SCN9A: variants seen among roughly 807,000 people sequenced by gnomAD.
SCN9A encodes sodium channel protein type 9 subunit alpha.
SCN9A carries 131 observed loss-of-function variants against 187.0 expected under a neutral mutation model. The observed-to-expected ratio is 0.70, with a 90% confidence interval of 0.61 to 0.81. SCN9A has a LOEUF of 0.81. SCN9A is among the 30% of genes least tolerant of loss of function. The probability of loss-of-function intolerance (pLI) is 0.00; values close to 1 mark genes in which losing one functional copy is unlikely to be tolerated. For missense variants in SCN9A, 2,252 were observed against 2,396.6 expected (o/e 0.94, Z 1.26); for synonymous variants, 809 against 808.6 (o/e 1.00, Z -0.01).
At chr2:166,324,198 C>A (rs754476252) in intron 1 of SCN9A, among the ~76,000 whole-genome samples, 2 of 151,756 alleles carry the variant, frequency 1.3e-5, no homozygotes, top group Non-Finnish European at 2.9e-5. Flanking sequence ...GAGGCTGAGG[C>A]AGGAGAATTA....
rs563313026 is a variant in SCN9A at position 166,366,960 on chromosome 2, C to T, written c.-51+8737G>A. 4.6e-5 allele frequency among the ~76,000 whole-genome samples: 7 copies of T among 152,292 alleles called. No individual in the cohort carries two copies. The East Asian group carries it at 1.2e-3, about 25-fold the overall frequency. On this transcript the variant is annotated intron_variant, in intron 1 of 26. Coordinates refer to ENST00000642356, the MANE Select transcript of SCN9A (RefSeq NM_001365536.1). Reference sequence around the variant, plus strand: ...CCTTAAAAGTCAACTTCTTGCATTACTGATGTTAGACAATTTAACTGACTT... The same window carrying T: ...CCTTAAAAGTCAACTTCTTGCATTATTGATGTTAGACAATTTAACTGACTT...
intron 24 of SCN9A, among the ~76,000 whole-genome samples, chr2:166,214,554 G>A (rs181206422): frequency 0.084 from 8,165 of 96,982 alleles, 463 homozygotes; most frequent in African/African-American, 0.11. Flanking sequence ...TCGCTCTGTC[G>A]CCCAGGCTGG....
intron 17 of SCN9A, chr2:166,259,239 G>T (rs1470006651): frequency 2.6e-5 from 4 of 151,612 alleles, no homozygotes; most frequent in African/African-American, 4.8e-5. Context: ...TCTCTGCCTG[G>T]TTAAAAGCAC....
At chr2:166,268,603 C>G (rs1208762971) in intron 17 of SCN9A, among the ~76,000 whole-genome samples, 1 of 151,626 alleles carries the variant, frequency 6.6e-6, no homozygotes, top group African/African-American at 2.4e-5. Flanking sequence ...AATGGGAAAA[C>G]AAAACAAAAC....
intron 6 of SCN9A, among the ~76,000 whole-genome samples, 183 bp from the exon 7 acceptor site, chr2:166,303,485 G>C (rs1698648469): frequency 6.6e-6 from 1 of 151,972 alleles, no homozygotes; most frequent in Admixed American, 6.6e-5. Flanking sequence ...TACAGCAAAT[G>C]GTTAAAAATA....
Position 166,294,675 on chromosome 2 carries a change from A to T in SCN9A, c.902-13T>A. The T allele has an allele frequency of 6.3e-7, 1 of 1,580,046 alleles. No homozygotes were observed. The highest frequency in any genetic ancestry group is 8.7e-7 in the Non-Finnish European group (1 of 1,154,552). ...TAATAAAAATATTCTGTTGAAGAAG[A>T]ATTTGAACAGTTATAACATCACAGA... On this transcript the variant is annotated splice_polypyrimidine_tract_variant and intron_variant, in intron 7 of 26. Coordinates refer to ENST00000642356, the MANE Select transcript of SCN9A (RefSeq NM_001365536.1).
intron 24 of SCN9A, among the ~76,000 whole-genome samples, chr2:166,222,942 C>CAAAAAA (rs1558960810): frequency 5.4e-5 from 3 of 55,294 alleles, no homozygotes; most frequent in African/African-American, 1.6e-4. Flanking sequence ...AAAAAAAAAA[C>CAAAAAA]AACAAAAAAA....
chr2:166,275,929 T>G (rs551842340), intron 16 of SCN9A, among the ~76,000 whole-genome samples: 16 of 152,174 alleles, frequency 1.1e-4, no homozygotes, highest in Non-Finnish European at 2.2e-4. Context: ...GACAACAATA[T>G]TTTAGTAATT....
chr2:166,362,746 A>G (rs1237956780), intron 1 of SCN9A, among the ~76,000 whole-genome samples: 3 of 151,874 alleles, frequency 2.0e-5, no homozygotes, highest in Non-Finnish European at 4.4e-5. Flanking sequence ...TTTTAAATTT[A>G]TTAGGAATAT....
At position 166,228,982 on chromosome 2, in the gene SCN9A, A is replaced by G. The variant is rs200362672; in HGVS notation, c.3925-10T>C. ...GTGCATTCACAACGACCTAGTATTC[A>G]AAAGAAAGAAAAGCATGATTAGGAT... On this transcript the variant is annotated splice_polypyrimidine_tract_variant and intron_variant, in intron 21 of 26. Coordinates refer to ENST00000642356, the MANE Select transcript of SCN9A (RefSeq NM_001365536.1). 4.4e-6 allele frequency: 7 copies of G among 1,599,892 alleles called. No individual in the cohort carries two copies. The highest frequency in any genetic ancestry group is 1.7e-5 in the Admixed American group (1 of 59,526).
intron 9 of SCN9A, among the ~76,000 whole-genome samples, chr2:166,290,609 C>T (rs1282469216): frequency 6.6e-6 from 1 of 152,146 alleles, no homozygotes; most frequent in East Asian, 1.9e-4. Context: ...AATCACCATT[C>T]TGACTGACTT....
chr2:166,330,209 C>A (rs1372973327), intron 1 of SCN9A, among the ~76,000 whole-genome samples: 1 of 151,952 alleles, frequency 6.6e-6, no homozygotes, highest in African/African-American at 2.4e-5. Flanking sequence ...GGTTAAATTC[C>A]CAGTTTGTGG....
intron 1 of SCN9A, among the ~76,000 whole-genome samples, chr2:166,368,209 A>T (rs1559067693): frequency 6.6e-6 from 1 of 152,222 alleles, no homozygotes; most frequent in Non-Finnish European, 1.5e-5. Context: ...ATTTAAACGG[A>T]GCATATGAAA....
chr2:166,204,551 T>C, intron 24 of SCN9A, 87 bp from the exon 25 acceptor site: 1 of 726,438 alleles, frequency 1.4e-6, no homozygotes, highest in Non-Finnish European at 2.2e-6. Context: ...GGTTAAAATG[T>C]GTTAATATAG....
In SCN9A at chr2:166,199,441, G is replaced by A. The variant is rs766522690; in HGVS notation, c.5198C>T (p.Pro1733Leu). 3 of 1,614,042 alleles carry A rather than the reference G, an allele frequency of 1.9e-6. No homozygotes were observed. Among genetic ancestry groups the A allele is most frequent in the African/African-American group, 2.7e-5 (2 of 74,914 alleles). The change falls in exon 27 of 27, where the codon CCA becomes CTA. Residue 1733 changes from proline (P) to leucine (L), a missense_variant. Pro to Leu is a moderately conservative substitution (Grantham distance 98). Transcript: ENST00000642356. Reference protein sequence around the residue: ...GSSVEGDCGNPSVGIFYFVSY... With the variant: ...GSSVEGDCGNLSVGIFYFVSY... ...AACAAAGTAGAATATTCCAACAGAT[G>A]GGTTACCACAGTCTCCTTCAACTGA...
Position 166,263,652 on chromosome 2 carries a change from T to C in SCN9A, c.3351+8747A>G, listed in dbSNP as rs73021664. 2.4e-3 allele frequency among the ~76,000 whole-genome samples: 364 copies of C among 152,060 alleles called. 1 individual carries two copies. The highest frequency in any genetic ancestry group is 8.5e-3 in the African/African-American group (355 of 41,522). On this transcript the variant is annotated intron_variant, in intron 17 of 26. Coordinates refer to ENST00000642356, the MANE Select transcript of SCN9A (RefSeq NM_001365536.1). ...GAATTGTAATCCTCCAAAAGTTATG[T>C]TGAAGTCCTAACCCTGGCATGTTTG...
chr2:166,286,371 GCCTATGC>G lies in SCN9A; in HGVS notation c.1560_1566del (p.His521GlufsTer42). 1 of 1,613,156 alleles carries G rather than the reference GCCTATGC, an allele frequency of 6.2e-7. No homozygotes were observed. The highest frequency in any genetic ancestry group is 1.1e-5 in the South Asian group (1 of 90,806). The stretch of plus-strand genomic sequence containing the variant: ...GTAGACAACCTCTTTTCATGTGCTC[GCCTATGC>G]CCTTCGACACCAAGGTGGAAACTTT... On this transcript the variant is annotated frameshift_variant, in exon 11 of 27. Transcript: ENST00000642356. LOFTEE classifies it high-confidence loss of function.
intron 9 of SCN9A, among the ~76,000 whole-genome samples, chr2:166,291,866 C>T (rs759580191): frequency 2.0e-4 from 30 of 152,258 alleles, no homozygotes; most frequent in Non-Finnish European, 3.2e-4. Context: ...GCTGGCTAGC[C>T]ATATGCAGAA....
At chr2:166,239,974 A>G (rs17748381) in intron 19 of SCN9A, among the ~76,000 whole-genome samples, 14,107 of 152,212 alleles carry the variant, frequency 0.093, 706 homozygotes, top group Middle Eastern at 0.24. Context: ...CTTTACTGTT[A>G]CTAAATTCAG....
Sources: allele counts gnomAD v4.1 joint callset (sites outside exome capture counted in the v4.1 genomes callset), GRCh38; gene constraint gnomAD v4.1.1; transcripts MANE v1.5; gene names NCBI Gene and HGNC (gene_info 2026-07-23, HGNC 2026-07-21).